Variants in KCNQ1OT1 observed in about 807,000 individuals in gnomAD.
KCNQ1OT1 encodes the protein KCNQ1 antisense RNA 2 (non-protein coding).
In KCNQ1OT1 at chr11:2,627,658, T is replaced by TTG. The variant is rs765964478; in HGVS notation, n.72335_72336dup. The TTG allele has an allele frequency of 7.5e-6, 3 of 398,370 alleles. No homozygotes were observed. Among genetic ancestry groups the TTG allele is most frequent in the East Asian group, 3.6e-5 (1 of 28,084 alleles). The allele number at this position is 398,370 out of a possible 1,614,324, so 24.7% of individuals were successfully genotyped here. A position where few individuals can be genotyped will look rare whatever the true frequency, so the allele number is the denominator to read the frequency against. ...TGCTTTTTAAAGGATGAATATTTCA[T>TTG]TGTGTGTGTGTATATATGTGTGTGT... On this transcript the variant is annotated non_coding_transcript_exon_variant, in exon 1 of 1. Coordinates refer to ENST00000597346, the Ensembl canonical transcript of KCNQ1OT1. The surrounding 1 kb of genome is among the most constrained non-coding windows in gnomAD (Gnocchi z 4.9).
At chr11:2,630,362 C>T (rs1418362507) in exon 1 of KCNQ1OT1, 4 of 397,678 alleles carry the variant, frequency 1.0e-5, no homozygotes, top group African/African-American at 2.1e-5. Context: ...AAATATCAGC[C>T]AGTTATTTTC....
Position 2,645,413 on chromosome 11 carries a change from C to T in KCNQ1OT1, n.54582G>A. On this transcript the variant is annotated non_coding_transcript_exon_variant, in exon 1 of 1. Transcript: ENST00000597346. The surrounding 1 kb of genome is among the most constrained non-coding windows in gnomAD (Gnocchi z 5.8). ...AGGCCAGGTGGGCCTGTCCTGAGGC[C>T]CTCCAGTAATGCAAGAATGTACTGA... 1 of 398,680 alleles carries T rather than the reference C, an allele frequency of 2.5e-6. No individual in the cohort carries two copies. 24.7% of individuals were successfully genotyped at this position (398,680 alleles called of 1,614,324 possible). A position where few individuals can be genotyped will look rare whatever the true frequency, so the allele number is the denominator to read the frequency against.
In KCNQ1OT1 at chr11:2,678,976, C is replaced by CT. The variant is rs961164022; in HGVS notation, n.21018dup. 2 of 398,416 alleles carry CT rather than the reference C, an allele frequency of 5.0e-6. No individual in the cohort carries two copies. The highest frequency in any genetic ancestry group is 4.1e-5 in the African/African-American group (2 of 48,572). The allele number at this position is 398,416 out of a possible 1,614,324, so 24.7% of individuals were successfully genotyped here. ...ATAGAGAACAAAAGAGCAAATAGGC[C>CT]TAATTCAAGAATTTTTAAAAACCCG... On this transcript the variant is annotated non_coding_transcript_exon_variant, in exon 1 of 1. Coordinates refer to ENST00000597346, the Ensembl canonical transcript of KCNQ1OT1. This position sits in a 1 kb window ranked among gnomAD's most constrained non-coding sequence, Gnocchi z 4.9.
exon 1 of KCNQ1OT1, chr11:2,630,818 C>G (rs1849340417): frequency 2.5e-6 from 1 of 398,456 alleles, no homozygotes; most frequent in Non-Finnish European, 4.4e-6. Context: ...AGTCTTGTAT[C>G]TGTTTCATAT....
At chr11:2,666,935 T>G in exon 1 of KCNQ1OT1, 1 of 398,612 alleles carries the variant, frequency 2.5e-6, no homozygotes, top group Non-Finnish European at 4.4e-6. Context: ...CCAGACCACC[T>G]CTGTCTGCAC....
At chr11:2,619,495 T>C in exon 1 of KCNQ1OT1, 1 of 398,606 alleles carries the variant, frequency 2.5e-6, no homozygotes, top group Non-Finnish European at 4.4e-6. Flanking sequence ...TAAATAAGAT[T>C]TGCATGCCAG....
chr11:2,668,700 ACT>A lies in KCNQ1OT1; in HGVS notation n.31293_31294del, dbSNP rs1212617926. On this transcript the variant is annotated non_coding_transcript_exon_variant, in exon 1 of 1. Coordinates refer to ENST00000597346, the Ensembl canonical transcript of KCNQ1OT1. This position sits in a 1 kb window ranked among gnomAD's most constrained non-coding sequence, Gnocchi z 4.3. ...CAGAGAGAGAGATACACACACTCAC[ACT>A]CTCTCACAGACACACACATTGCAAA... 13 of 398,368 alleles carry A rather than the reference ACT, an allele frequency of 3.3e-5. No homozygotes were observed. Among genetic ancestry groups the A allele is most frequent in the African/African-American group, 2.1e-4 (10 of 48,662 alleles). 24.7% of individuals were successfully genotyped at this position (398,368 alleles called of 1,614,324 possible). A position where few individuals can be genotyped will look rare whatever the true frequency, so the allele number is the denominator to read the frequency against.
At position 2,687,049 on chromosome 11, in the gene KCNQ1OT1, G is replaced by A; in HGVS notation, n.12946C>T. On this transcript the variant is annotated non_coding_transcript_exon_variant, in exon 1 of 1. Transcript: ENST00000597346. This position sits in a 1 kb window ranked among gnomAD's most constrained non-coding sequence, Gnocchi z 5.0. ...TAAAACTCAGCAGTCCCAGCTCTGG[G>A]GGACAAGGACCCACAAAGTGATGCA... 2.5e-6 allele frequency: 1 copy of A among 398,668 alleles called. No individual in the cohort carries two copies. The highest frequency in any genetic ancestry group is 6.3e-4 in the Middle Eastern group (1 of 1,590). 24.7% of individuals were successfully genotyped at this position (398,668 alleles called of 1,614,324 possible).
At chr11:2,665,385 C>T in exon 1 of KCNQ1OT1, 1 of 396,962 alleles carries the variant, frequency 2.5e-6, no homozygotes, top group Non-Finnish European at 4.4e-6. Flanking sequence ...GAGCCCTGTA[C>T]CCCAAGAGCC....
In KCNQ1OT1 at chr11:2,659,238, C is replaced by G. The variant is rs1590012456; in HGVS notation, n.40757G>C. On this transcript the variant is annotated non_coding_transcript_exon_variant, in exon 1 of 1. Coordinates refer to ENST00000597346, the Ensembl canonical transcript of KCNQ1OT1. The surrounding 1 kb of genome is among the most constrained non-coding windows in gnomAD (Gnocchi z 4.3). ...GAAGTTCCATACCCCTAAAAATACCCTGGGGTGAGTCTTTTGAAGTCAAGT... is the reference window on the plus strand; with the variant it reads ...GAAGTTCCATACCCCTAAAAATACCGTGGGGTGAGTCTTTTGAAGTCAAGT... The G allele has an allele frequency of 2.5e-6, 1 of 398,654 alleles. No homozygotes were observed. The highest frequency in any genetic ancestry group is 2.1e-5 in the African/African-American group (1 of 48,766). The allele number at this position is 398,654 out of a possible 1,614,324, so 24.7% of individuals were successfully genotyped here. A position where few individuals can be genotyped will look rare whatever the true frequency, so the allele number is the denominator to read the frequency against.
exon 1 of KCNQ1OT1, chr11:2,629,836 A>C: frequency 2.5e-6 from 1 of 397,698 alleles, no homozygotes; most frequent in East Asian, 3.6e-5. Context: ...TGGAGTCTGT[A>C]GCATTTTCTA....
In KCNQ1OT1 at chr11:2,647,218, T is replaced by A; in HGVS notation, n.52777A>T. On this transcript the variant is annotated non_coding_transcript_exon_variant, in exon 1 of 1. Transcript: ENST00000597346. The surrounding 1 kb of genome is among the most constrained non-coding windows in gnomAD (Gnocchi z 4.0). ...AATTTTATCAGATGCTTTTTCTGCA[T>A]CTATTGAGATGATCATGTATTTTTT... The A allele has an allele frequency of 2.5e-6, 1 of 398,538 alleles. No individual in the cohort carries two copies. Among genetic ancestry groups the A allele is most frequent in the East Asian group, 3.6e-5 (1 of 28,056 alleles). The allele number at this position is 398,538 out of a possible 1,614,324, so 24.7% of individuals were successfully genotyped here. A position where few individuals can be genotyped will look rare whatever the true frequency, so the allele number is the denominator to read the frequency against.
Position 2,626,260 on chromosome 11 carries a change from T to C in KCNQ1OT1, n.73735A>G, listed in dbSNP as rs184978493. 5 of 398,460 alleles carry C rather than the reference T, an allele frequency of 1.3e-5. No individual in the cohort carries two copies. Among genetic ancestry groups the C allele is most frequent in the African/African-American group, 1.0e-4 (5 of 48,720 alleles). 24.7% of individuals were successfully genotyped at this position (398,460 alleles called of 1,614,324 possible). On this transcript the variant is annotated non_coding_transcript_exon_variant, in exon 1 of 1. Transcript: ENST00000597346. The surrounding 1 kb of genome is among the most constrained non-coding windows in gnomAD (Gnocchi z 4.0). ...GGTAAGGGTCTCAACTTCATTCTCT[T>C]TTATACATGGTTAGGTAAGGATCTC...
At chr11:2,681,424 A>G in exon 1 of KCNQ1OT1, 2 of 398,488 alleles carry the variant, frequency 5.0e-6, no homozygotes, top group Admixed American at 8.8e-5. Flanking sequence ...GATCCCTGTG[A>G]CAGCTCTAGG....
chr11:2,651,850 A>G lies in KCNQ1OT1; in HGVS notation n.48145T>C, dbSNP rs1355145912. 2 of 398,640 alleles carry G rather than the reference A, an allele frequency of 5.0e-6. No homozygotes were observed. The highest frequency in any genetic ancestry group is 7.1e-5 in the East Asian group (2 of 28,076). The allele number at this position is 398,640 out of a possible 1,614,324, so 24.7% of individuals were successfully genotyped here. On this transcript the variant is annotated non_coding_transcript_exon_variant, in exon 1 of 1. Coordinates refer to ENST00000597346, the Ensembl canonical transcript of KCNQ1OT1. The surrounding 1 kb of genome is among the most constrained non-coding windows in gnomAD (Gnocchi z 6.1). ...AGGACCATACCAGACAGATGCCACC[A>G]CATCTTTTCTTGAAGTAGTGTTCAG...
In KCNQ1OT1 at chr11:2,690,475, A is replaced by G; in HGVS notation, n.9520T>C. 1 of 398,616 alleles carries G rather than the reference A, an allele frequency of 2.5e-6. No homozygotes were observed. Among genetic ancestry groups the G allele is most frequent in the Non-Finnish European group, 4.4e-6 (1 of 226,050 alleles). The allele number at this position is 398,616 out of a possible 1,614,324, so 24.7% of individuals were successfully genotyped here. On this transcript the variant is annotated non_coding_transcript_exon_variant, in exon 1 of 1. Coordinates refer to ENST00000597346, the Ensembl canonical transcript of KCNQ1OT1. This position sits in a 1 kb window ranked among gnomAD's most constrained non-coding sequence, Gnocchi z 5.1. ...TAAGAGCAGAGACTGGGTCCTGGGA[A>G]CAGCCACTGGGCCCAGTCGGGGGGG...
Position 2,671,710 on chromosome 11 carries a change from A to T in KCNQ1OT1, n.28285T>A, listed in dbSNP as rs922341415. The T allele has an allele frequency of 1.3e-4, 50 of 398,630 alleles. No individual in the cohort carries two copies. The highest frequency in any genetic ancestry group is 1.0e-3 in the African/African-American group (50 of 48,648). The allele number at this position is 398,630 out of a possible 1,614,324, so 24.7% of individuals were successfully genotyped here. A position where few individuals can be genotyped will look rare whatever the true frequency, so the allele number is the denominator to read the frequency against. The stretch of plus-strand genomic sequence containing the variant: ...AGGCAATAGAGGGTACTTGGGAAGT[A>T]GGGTGGTAGGCAAGGCTTTTCAGAG... On this transcript the variant is annotated non_coding_transcript_exon_variant, in exon 1 of 1. Coordinates refer to ENST00000597346, the Ensembl canonical transcript of KCNQ1OT1. The surrounding 1 kb of genome is among the most constrained non-coding windows in gnomAD (Gnocchi z 4.7).
chr11:2,668,977 G>A lies in KCNQ1OT1; in HGVS notation n.31018C>T, dbSNP rs762671885. 7 of 398,514 alleles carry A rather than the reference G, an allele frequency of 1.8e-5. No homozygotes were observed. Among genetic ancestry groups the A allele is most frequent in the Non-Finnish European group, 3.1e-5 (7 of 226,088 alleles). The allele number at this position is 398,514 out of a possible 1,614,324, so 24.7% of individuals were successfully genotyped here. ...TCTGGGATTGATTTTTGTGTCCAAT[G>A]TGAGGCCGAGGTCAAGGTCCACTCT... On this transcript the variant is annotated non_coding_transcript_exon_variant, in exon 1 of 1. Transcript: ENST00000597346. The surrounding 1 kb of genome is among the most constrained non-coding windows in gnomAD (Gnocchi z 4.3).
exon 1 of KCNQ1OT1, chr11:2,640,012 C>A (rs773472696): frequency 1.3e-5 from 2 of 158,830 alleles, no homozygotes; most frequent in Non-Finnish European, 2.8e-5. Flanking sequence ...GAGCCAGGCG[C>A]GGGATATAAT....
Sources: allele counts gnomAD v4.1 joint callset, GRCh38; gene constraint gnomAD v4.1.1; non-coding constraint Gnocchi (gnomAD v3.1); transcripts MANE v1.5; gene names NCBI Gene and HGNC (gene_info 2026-07-23, HGNC 2026-07-21).